Variants in ABI1 observed in about 807,000 individuals in gnomAD.
ABI1 encodes the protein abl interactor 1, also known as Abelson interactor 1.
A neutral mutation model predicts 54.6 loss-of-function variants in ABI1; 14 were observed. The ratio of observed to expected loss-of-function variants is 0.26; its 90% CI spans 0.17 to 0.40. The LOEUF is 0.40. ABI1 is among the 10% of genes least tolerant of loss of function. The pLI is 1.00. For missense variants in ABI1, 443 were observed against 598.3 expected, an observed-to-expected ratio of 0.74 and a Z score of 2.71; for synonymous variants, 194 against 209.3, an observed-to-expected ratio of 0.93 and a Z score of 0.63.
chr10:26,813,776 A>T (rs1304977918), intron 2 of ABI1, among the ~76,000 whole-genome samples: 3 of 152,212 alleles, frequency 2.0e-5, no homozygotes, highest in Admixed American at 6.5e-5. Flanking sequence ...CTTCTCATAA[A>T]TTTATTTGTT....
chr10:26,771,787 T>C (rs1012777020), intron 3 of ABI1, among the ~76,000 whole-genome samples: 24 of 151,962 alleles, frequency 1.6e-4, no homozygotes, highest in African/African-American at 5.8e-4. Context: ...TAGTTCTAAG[T>C]TTTCATCTGA....
At chr10:26,764,953 T>G (rs775364367) in intron 7 of ABI1, among the ~76,000 whole-genome samples, 4 of 152,158 alleles carry the variant, frequency 2.6e-5, no homozygotes, top group Non-Finnish European at 5.9e-5. Flanking sequence ...AATGAATATA[T>G]TTCTAAAGCA....
chr10:26,821,243 T>TAAAAAAAAAAAAAAAA (rs34139312), intron 2 of ABI1, among the ~76,000 whole-genome samples: 1 of 114,924 alleles, frequency 8.7e-6, no homozygotes, highest in African/African-American at 3.5e-5. Context: ...AGACTCCATC[T>TAAAAAAAAAAAAAAAA]AAAAAAAAAA....
chr10:26,859,399 TA>T (rs1378271419), intron 1 of ABI1, among the ~76,000 whole-genome samples: 2 of 152,230 alleles, frequency 1.3e-5, no homozygotes, highest in Non-Finnish European at 2.9e-5. Flanking sequence ...CATCGGTTCT[TA>T]AAAATTATAA....
At chr10:26,837,330 T>C (rs2049150569) in intron 1 of ABI1, among the ~76,000 whole-genome samples, 1 of 152,170 alleles carries the variant, frequency 6.6e-6, no homozygotes, top group African/African-American at 2.4e-5. Flanking sequence ...CAATCTCTGT[T>C]GTCATTTCCT....
chr10:26,848,003 G>C lies in ABI1; in HGVS notation c.117+12744C>G, dbSNP rs113121820. The stretch of plus-strand genomic sequence containing the variant: ...GCTTGAGCTCAGGAGTTCAAGACCA[G>C]ACTGGACCACATGCCAAAACCCTGT... On this transcript the variant is annotated intron_variant, in intron 1 of 10. Coordinates refer to ENST00000376140, the MANE Select transcript of ABI1 (RefSeq NM_001012750.3). Among the ~76,000 whole-genome samples the C allele has an allele frequency of 2.6e-3, 397 of 152,050 alleles. 1 individual carries two copies. The highest frequency in any genetic ancestry group is 9.3e-3 in the African/African-American group (387 of 41,480).
chr10:26,800,254 G>A (rs1001405334), intron 2 of ABI1, among the ~76,000 whole-genome samples: 7 of 151,940 alleles, frequency 4.6e-5, no homozygotes, highest in Non-Finnish European at 7.4e-5. Context: ...GCATGGTGGC[G>A]TGTGCCTACA....
At chr10:26,837,622 T>C (rs1355110521) in intron 1 of ABI1, among the ~76,000 whole-genome samples, 1 of 152,196 alleles carries the variant, frequency 6.6e-6, no homozygotes, top group Non-Finnish European at 1.5e-5. Context: ...TCTGGTGTTT[T>C]TGTTTTTGAA....
chr10:26,791,304 G>A (rs1843429314), intron 2 of ABI1, among the ~76,000 whole-genome samples: 2 of 152,084 alleles, frequency 1.3e-5, no homozygotes, highest in East Asian at 3.9e-4. Flanking sequence ...TTATAAATAA[G>A]AAATAAGGAA....
chr10:26,754,748 T>C (rs1403682381), intron 9 of ABI1, among the ~76,000 whole-genome samples: 4 of 152,328 alleles, frequency 2.6e-5, no homozygotes, highest in Non-Finnish European at 5.9e-5. Flanking sequence ...ATGAAGTAAA[T>C]TAAAAATAGA....
chr10:26,747,553 A>AGT lies in ABI1; in HGVS notation c.*1015_*1016dup, dbSNP rs1392924712. The AGT allele has an allele frequency of 4.9e-6, 1 of 203,172 alleles. No individual in the cohort carries two copies. The highest frequency in any genetic ancestry group is 2.3e-5 in the African/African-American group (1 of 43,636). The allele number at this position is 203,172 out of a possible 1,614,324, so 12.6% of individuals were successfully genotyped here. A position where few individuals can be genotyped will look rare whatever the true frequency, so the allele number is the denominator to read the frequency against. On this transcript the variant is annotated 3_prime_UTR_variant, in exon 11 of 11. Coordinates refer to ENST00000376140, the MANE Select transcript of ABI1 (RefSeq NM_001012750.3). ...ACTTTTAACTTCCTTTCATTGAACC[A>AGT]GTGTACAACAGTTCACTGTACAACT...
intron 2 of ABI1, among the ~76,000 whole-genome samples, chr10:26,805,847 G>A (rs1297221516): frequency 6.6e-6 from 1 of 152,098 alleles, no homozygotes; most frequent in Non-Finnish European, 1.5e-5. Context: ...AGAAGCCAAA[G>A]GATACCAGCT....
intron 2 of ABI1, among the ~76,000 whole-genome samples, chr10:26,810,454 C>T (rs926555682): frequency 1.3e-5 from 2 of 152,130 alleles, no homozygotes; most frequent in African/African-American, 4.8e-5. Flanking sequence ...GGTGTTAAAT[C>T]CCATGAACAC....
intron 2 of ABI1, among the ~76,000 whole-genome samples, chr10:26,819,090 T>C (rs559633769): frequency 1.3e-3 from 205 of 152,268 alleles, no homozygotes; most frequent in African/African-American, 4.4e-3. Flanking sequence ...CCTGAAGTAA[T>C]AGCATAGTCT....
At chr10:26,843,951 G>T (rs1012563345) in intron 1 of ABI1, among the ~76,000 whole-genome samples, 1 of 152,024 alleles carries the variant, frequency 6.6e-6, no homozygotes, top group Non-Finnish European at 1.5e-5. Context: ...TATGCCAAAC[G>T]TGTCTAGACA....
chr10:26,764,848 G>A (rs1839713465), intron 7 of ABI1, among the ~76,000 whole-genome samples: 1 of 152,172 alleles, frequency 6.6e-6, no homozygotes, highest in East Asian at 1.9e-4. Context: ...TAGGTTATAT[G>A]CAAATACTAC....
intron 1 of ABI1, among the ~76,000 whole-genome samples, chr10:26,857,658 A>G (rs955812465): frequency 9.2e-5 from 14 of 151,596 alleles, no homozygotes; most frequent in African/African-American, 3.4e-4. Flanking sequence ...AAAAAAAAAA[A>G]AAAACTTTCT....
At chr10:26,833,550 C>A (rs1223938246) in intron 1 of ABI1, among the ~76,000 whole-genome samples, 2 of 152,144 alleles carry the variant, frequency 1.3e-5, no homozygotes, top group African/African-American at 4.8e-5. Flanking sequence ...CTGTTATATA[C>A]TTAAGTATTA....
intron 7 of ABI1, 42 bp from the exon 8 acceptor site, chr10:26,759,280 G>A: frequency 6.3e-7 from 1 of 1,593,428 alleles, no homozygotes; most frequent in South Asian, 1.1e-5. Flanking sequence ...AGAGACTTGA[G>A]CATTGTAATC....
Sources: allele counts gnomAD v4.1 joint callset (sites outside exome capture counted in the v4.1 genomes callset), GRCh38; gene constraint gnomAD v4.1.1; transcripts MANE v1.5; gene names NCBI Gene and HGNC (gene_info 2026-07-23, HGNC 2026-07-21).